Variants in DDX60L observed in about 807,000 individuals in gnomAD.
The protein encoded by DDX60L is probable ATP-dependent RNA helicase DDX60-like.
Under a neutral mutation model 211.6 loss-of-function variants are expected in DDX60L, and 191 were observed. That is an observed-to-expected ratio of 0.90 (90% CI 0.80 to 1.02). The LOEUF (loss-of-function observed/expected upper bound fraction) is 1.02. Among genes scored for constraint, DDX60L ranks in the 50% least tolerant of loss-of-function variants. The pLI is 0.00. For synonymous variants in DDX60L, 706 were observed against 694.1 expected (o/e 1.02, Z -0.27); for missense variants, 2,007 against 1,984.1 (o/e 1.01, Z -0.22).
At chr4:168,432,132 A>G (rs2149946355) in intron 12 of DDX60L, among the ~76,000 whole-genome samples, 1 of 152,170 alleles carries the variant, frequency 6.6e-6, no homozygotes, top group Non-Finnish European at 1.5e-5. Context: ...ATTTGAATTA[A>G]CAGATACATC....
chr4:168,420,633 C>CATG, intron 17 of DDX60L, among the ~76,000 whole-genome samples: 1 of 93,470 alleles, frequency 1.1e-5, no homozygotes, highest in Non-Finnish European at 2.2e-5. Context: ...CACACACACA[C>CATG]ACACACATGA....
rs1273292457 is a variant in DDX60L at position 168,357,212 on chromosome 4, A to C, written c.*935T>G. Reference sequence around the variant, plus strand: ...TACTCTTGATCATTTAGAAATAAGAAAGTGTAGGGGACTTAAACAAAATCT... The same window carrying C: ...TACTCTTGATCATTTAGAAATAAGACAGTGTAGGGGACTTAAACAAAATCT... On this transcript the variant is annotated 3_prime_UTR_variant, in exon 38 of 38. Coordinates refer to ENST00000682922, the MANE Select transcript of DDX60L (RefSeq NM_001012967.3). The C allele has an allele frequency of 1.3e-5, 2 of 152,212 alleles. No homozygotes were observed. Among genetic ancestry groups the C allele is most frequent in the Admixed American group, 6.5e-5 (1 of 15,282 alleles). 9.4% of individuals were successfully genotyped at this position (152,212 alleles called of 1,614,324 possible).
intron 14 of DDX60L, among the ~76,000 whole-genome samples, chr4:168,425,404 T>C (rs1019135126): frequency 6.6e-6 from 1 of 152,210 alleles, no homozygotes; most frequent in Admixed American, 6.5e-5. Context: ...GAGTAGGACA[T>C]ACTCAAGACA....
chr4:168,427,471 A>C, intron 13 of DDX60L, 149 bp from the exon 14 acceptor site: 1 of 907,842 alleles, frequency 1.1e-6, no homozygotes, highest in Non-Finnish European at 1.6e-6. Context: ...CTTTTCTTAA[A>C]ATTAAAGTCT....
chr4:168,429,476 T>C (rs1211573127), intron 13 of DDX60L, among the ~76,000 whole-genome samples: 2 of 152,192 alleles, frequency 1.3e-5, no homozygotes, highest in Non-Finnish European at 2.9e-5. Context: ...AACTTAAATT[T>C]GACTTTTCTA....
At chr4:168,396,766 C>T (rs796253779) in intron 26 of DDX60L, among the ~76,000 whole-genome samples, 11 of 150,844 alleles carry the variant, frequency 7.3e-5, no homozygotes, top group African/African-American at 2.7e-4. Context: ...GTATTTTTCC[C>T]TTCCCCTACG....
rs970257337 is a variant in DDX60L, at chr4:168,358,334, A to AT, written c.4992-59dup. ...TGAGCCCACATTTTTATAACAATCA[A>AT]TATTATTAAAAGGTTAGCAGAAGTA... is the stretch of plus-strand genomic sequence containing the variant. On this transcript the variant is annotated intron_variant, in intron 37 of 37. Coordinates refer to ENST00000682922, the MANE Select transcript of DDX60L (RefSeq NM_001012967.3). 4 of 1,281,318 alleles carry AT rather than the reference A, an allele frequency of 3.1e-6. No homozygotes were observed. The African/African-American group carries it at 6.2e-5, about 20-fold the overall frequency. 79.4% of individuals were successfully genotyped at this position (1,281,318 alleles called of 1,614,324 possible). A position where few individuals can be genotyped will look rare whatever the true frequency, so the allele number is the denominator to read the frequency against.
In DDX60L at chr4:168,404,131, T is replaced by TAA. The variant is rs201061430; in HGVS notation, c.3214-27_3214-26dup. On this transcript the variant is annotated intron_variant, in intron 24 of 37. Transcript: ENST00000682922. ...CCTACAACAGTAAGTAAAAATTATTTAAAAAAAAAAAAAGAATTTGTGGAA... is the reference window on the plus strand; with the variant it reads ...CCTACAACAGTAAGTAAAAATTATTTAAAAAAAAAAAAAAAGAATTTGTGGAA... 3.2e-3 allele frequency: 3,271 copies of TAA among 1,031,424 alleles called. 1 individual carries two copies. The highest frequency in any genetic ancestry group is 4.7e-3 in the South Asian group (168 of 35,646). 63.9% of individuals were successfully genotyped at this position (1,031,424 alleles called of 1,614,324 possible).
chr4:168,463,535 C>T (rs1432030385), intron 4 of DDX60L, among the ~76,000 whole-genome samples: 4 of 151,996 alleles, frequency 2.6e-5, no homozygotes, highest in East Asian at 3.9e-4. Context: ...GTACAACAAA[C>T]CCCCATAAGA....
At chr4:168,395,747 G>A (rs1245187365) in intron 27 of DDX60L, 4 of 439,672 alleles carry the variant, frequency 9.1e-6, no homozygotes, top group Non-Finnish European at 1.2e-5. Flanking sequence ...TAAAATAAGA[G>A]GCTGACATTC....
chr4:168,409,231 T>C (rs1033767810), intron 22 of DDX60L, among the ~76,000 whole-genome samples: 3 of 152,208 alleles, frequency 2.0e-5, no homozygotes, highest in Non-Finnish European at 4.4e-5. Context: ...AGCACAGCTC[T>C]GCAGAAGTCA....
intron 33 of DDX60L, 80 bp from the exon 34 acceptor site, chr4:168,375,604 T>TCAATCTACAGAACTATGCTGCA: frequency 7.8e-7 from 1 of 1,287,596 alleles, no homozygotes; most frequent in Non-Finnish European, 1.0e-6. Context: ...GATTGCAGCA[T>TCAATCTACAGAACTATGCTGCA]AGTTCTGTAG....
At chr4:168,461,343 A>C (rs1757292397) in intron 5 of DDX60L, among the ~76,000 whole-genome samples, 1 of 152,222 alleles carries the variant, frequency 6.6e-6, no homozygotes, top group South Asian at 2.1e-4. Flanking sequence ...TAAAGTGCAA[A>C]TATATTTCTT....
chr4:168,428,008 G>A (rs1016034054), intron 13 of DDX60L, among the ~76,000 whole-genome samples: 7 of 152,262 alleles, frequency 4.6e-5, no homozygotes, highest in Admixed American at 6.5e-5. Context: ...GAGCAGAGGT[G>A]CACAGCCTGG....
chr4:168,407,158 C>A (rs1210668375), intron 22 of DDX60L, among the ~76,000 whole-genome samples: 2 of 152,008 alleles, frequency 1.3e-5, no homozygotes, highest in Non-Finnish European at 2.9e-5. Flanking sequence ...GGTACCAAGC[C>A]ACGTAAAAAG....
intron 30 of DDX60L, chr4:168,380,817 T>C (rs540919879): frequency 6.6e-6 from 1 of 152,324 alleles, no homozygotes; most frequent in East Asian, 1.9e-4. Flanking sequence ...TAAACTGTTG[T>C]GATCAAAATG....
intron 6 of DDX60L, among the ~76,000 whole-genome samples, chr4:168,457,377 A>G (rs1216551634): frequency 6.6e-6 from 1 of 151,742 alleles, no homozygotes; most frequent in East Asian, 1.9e-4. Context: ...AATTATGGAT[A>G]TTCTTACTAC....
chr4:168,424,461 T>A (rs903945607), intron 14 of DDX60L, among the ~76,000 whole-genome samples: 5 of 152,204 alleles, frequency 3.3e-5, no homozygotes, highest in African/African-American at 1.2e-4. Context: ...CAAATACTAC[T>A]GAGCAACTGC....
chr4:168,472,485 T>C lies in DDX60L; in HGVS notation c.44A>G (p.Gln15Arg). ...DHAVFFREMT[Q>R]LILNEMPKAG... ...TTTTGGCATTTCATTCAAAATTAAC[T>C]GTGTCATTTCCCTGAAAAATACTGC... is the stretch of plus-strand genomic sequence containing the variant. Residue 15 changes from glutamine (Q) to arginine (R), a missense_variant, in exon 3 of 38, where the codon CAG becomes CGG. Transcript: ENST00000682922. 1 of 1,573,452 alleles carries C rather than the reference T, an allele frequency of 6.4e-7. No individual in the cohort carries two copies.
Sources: gnomAD v4.1 joint callset for allele counts (sites outside exome capture counted in the v4.1 genomes callset) on GRCh38, gnomAD v4.1.1 for gene constraint, MANE v1.5 for transcripts, NCBI Gene and HGNC (gene_info 2026-07-23, HGNC 2026-07-21) for gene names.